The following NLGN1 variants were observed in gnomAD, a reference collection of about 807,000 sequenced individuals.
NLGN1 encodes neuroligin 1.
A neutral mutation model predicts 65.5 loss-of-function variants in NLGN1; 12 were observed. The ratio of observed to expected loss-of-function variants is 0.18; its 90% CI spans 0.12 to 0.30. NLGN1 has a LOEUF of 0.30. Ranked by LOEUF, NLGN1 falls within the 10% of genes least tolerant of loss-of-function variation. The pLI, the probability that NLGN1 is intolerant of heterozygous loss-of-function variation, is 1.00. For missense variants in NLGN1, 750 were observed against 1,007.1 expected (o/e 0.74, Z 3.46); for synonymous variants, 350 against 359.5 (o/e 0.97, Z 0.30).
At chr3:173,569,757 T>G (rs1227361136) in intron 2 of NLGN1, among the ~76,000 whole-genome samples, 1 of 152,174 alleles carries the variant, frequency 6.6e-6, no homozygotes, top group African/African-American at 2.4e-5. Flanking sequence ...GAGCTGTGAA[T>G]TGGGAGCTGC....
rs895598434 is a variant in NLGN1 at position 174,221,388 on chromosome 3, A to G, written c.647-53927A>G. On this transcript the variant is annotated intron_variant, in intron 4 of 6. Coordinates refer to ENST00000457714, the Ensembl canonical transcript of NLGN1. ...CTTCTACTGACTGACAGCAAAATTT[A>G]CAGCAGTCATTTTTCTATAGAATTA... Among the ~76,000 whole-genome samples the G allele has an allele frequency of 6.6e-5, 10 of 152,232 alleles. No individual in the cohort carries two copies. In the East Asian group the frequency reaches 1.4e-3, roughly 21 times the overall value.
intron 4 of NLGN1, among the ~76,000 whole-genome samples, chr3:174,040,006 T>C (rs192465012): frequency 1.9e-4 from 29 of 152,284 alleles, no homozygotes; most frequent in Non-Finnish European, 3.2e-4. Flanking sequence ...TTGAAAATGA[T>C]CTTTGTGAGG....
chr3:174,101,639 C>G (rs1712502768), intron 4 of NLGN1, among the ~76,000 whole-genome samples: 1 of 152,180 alleles, frequency 6.6e-6, no homozygotes, highest in South Asian at 2.1e-4. Flanking sequence ...CTTCACAGGA[C>G]TGTATACCTC....
exon 7 of NLGN1, chr3:174,286,437 T>A (rs530751977): frequency 2.0e-5 from 3 of 151,676 alleles, no homozygotes; most frequent in African/African-American, 7.2e-5. Flanking sequence ...AGTTGACATC[T>A]AAACTAGATG....
intron 4 of NLGN1, among the ~76,000 whole-genome samples, chr3:174,124,586 TATATATACGTATACATATATAC>T (rs1718491327): frequency 1.2e-5 from 1 of 80,552 alleles, no homozygotes; most frequent in African/African-American, 1.2e-4. Context: ...CATATATACG[TATATATACGTATACATATATAC>T]GTATATATAC....
At chr3:173,840,784 GT>G (rs1325662671) in intron 4 of NLGN1, among the ~76,000 whole-genome samples, 1 of 151,980 alleles carries the variant, frequency 6.6e-6, no homozygotes, top group Non-Finnish European at 1.5e-5. Context: ...TATGTACCTA[GT>G]TATTATCTAC....
chr3:174,265,116 G>T (rs1450937787), intron 4 of NLGN1, among the ~76,000 whole-genome samples: 15 of 151,628 alleles, frequency 9.9e-5, no homozygotes, highest in Non-Finnish European at 2.1e-4. Flanking sequence ...GTCTGCAGAG[G>T]TTATTGCTGT....
At chr3:174,249,370 G>A (rs191743051) in intron 4 of NLGN1, among the ~76,000 whole-genome samples, 1 of 152,268 alleles carries the variant, frequency 6.6e-6, no homozygotes, top group African/African-American at 2.4e-5. Flanking sequence ...TGAACTATAA[G>A]ATATGTTATG....
At chr3:173,626,482 T>A (rs1239491821) in intron 3 of NLGN1, among the ~76,000 whole-genome samples, 1 of 152,124 alleles carries the variant, frequency 6.6e-6, no homozygotes, top group African/African-American at 2.4e-5. Flanking sequence ...TTAACTACTT[T>A]GAAGTTTTTG....
At chr3:173,526,652 T>G (rs1466137091) in intron 2 of NLGN1, among the ~76,000 whole-genome samples, 1 of 152,178 alleles carries the variant, frequency 6.6e-6, no homozygotes, top group African/African-American at 2.4e-5. Context: ...ATTAAAGTAT[T>G]TTTGACTGTT....
chr3:174,264,550 T>C (rs1561423360), intron 4 of NLGN1, among the ~76,000 whole-genome samples: 1 of 149,948 alleles, frequency 6.7e-6, no homozygotes, highest in Admixed American at 6.7e-5. Context: ...CTTTAAGCAC[T>C]TCTCTGTATT....
At chr3:173,870,553 A>T (rs1238169172) in intron 4 of NLGN1, among the ~76,000 whole-genome samples, 1 of 152,186 alleles carries the variant, frequency 6.6e-6, no homozygotes, top group African/African-American at 2.4e-5. Context: ...ACTGTTCAGT[A>T]AAAGGAGCAT....
intron 3 of NLGN1, among the ~76,000 whole-genome samples, chr3:173,659,319 A>G (rs1760567004): frequency 6.6e-6 from 1 of 151,984 alleles, no homozygotes; most frequent in African/African-American, 2.4e-5. Flanking sequence ...AAGAAAGGGC[A>G]TTTGTTTTGT....
chr3:174,018,042 G>T (rs1429758606), intron 4 of NLGN1, among the ~76,000 whole-genome samples: 3 of 152,110 alleles, frequency 2.0e-5, no homozygotes, highest in African/African-American at 7.2e-5. Context: ...CCCCAGAGCA[G>T]CCATTTCAGA....
At chr3:174,007,587 T>A (rs913816077) in intron 4 of NLGN1, among the ~76,000 whole-genome samples, 1 of 152,136 alleles carries the variant, frequency 6.6e-6, no homozygotes, top group African/African-American at 2.4e-5. Context: ...CAAACTTATA[T>A]CCCCAGCTAG....
At chr3:173,593,827 G>T (rs552286851) in intron 2 of NLGN1, among the ~76,000 whole-genome samples, 3 of 152,172 alleles carry the variant, frequency 2.0e-5, no homozygotes, top group Admixed American at 2.0e-4. Context: ...GAATCATGGC[G>T]GGAGATGAAA....
chr3:173,954,788 A>G (rs1421084689), intron 4 of NLGN1, among the ~76,000 whole-genome samples: 1 of 152,152 alleles, frequency 6.6e-6, no homozygotes, highest in Non-Finnish European at 1.5e-5. Flanking sequence ...TATGTAGAGT[A>G]TCTTAAATAG....
Position 173,860,749 on chromosome 3 carries a change from T to C in NLGN1, c.646+52917T>C, listed in dbSNP as rs574240399. Among the ~76,000 whole-genome samples the C allele has an allele frequency of 2.2e-3, 328 of 152,316 alleles. 1 individual carries two copies. Among genetic ancestry groups the C allele is most frequent in the Non-Finnish European group, 4.0e-3 (275 of 68,024 alleles). ...TCTCTAGAGAATGAAATGTGAATAA[T>C]GTTAATTCATCATAACCTTATTCTT... is the stretch of plus-strand genomic sequence containing the variant. On this transcript the variant is annotated intron_variant, in intron 4 of 6. Coordinates refer to ENST00000457714, the Ensembl canonical transcript of NLGN1.
intron 2 of NLGN1, among the ~76,000 whole-genome samples, chr3:173,545,949 TG>T (rs1157660516): frequency 1.3e-5 from 2 of 148,212 alleles, no homozygotes; most frequent in Admixed American, 6.7e-5. Context: ...TGTCAGGGGG[TG>T]GGGGGCTAGG....
Sources: gnomAD v4.1 joint callset for allele counts (sites outside exome capture counted in the v4.1 genomes callset) on GRCh38, gnomAD v4.1.1 for gene constraint, MANE v1.5 for transcripts, NCBI Gene and HGNC (gene_info 2026-07-23, HGNC 2026-07-21) for gene names.